The following SLC35F4 variants were observed in gnomAD, a reference collection of about 807,000 sequenced individuals.
SLC35F4 encodes solute carrier family 35 member F4, also known as chromosome 14 open reading frame 36.
SLC35F4 carries 24 observed loss-of-function variants against 44.2 expected under a neutral mutation model. That is an observed-to-expected ratio of 0.54 (90% CI 0.39 to 0.76). SLC35F4 has a LOEUF of 0.76. Ranked by LOEUF, SLC35F4 falls within the 30% of genes least tolerant of loss-of-function variation. The probability of loss-of-function intolerance (pLI) is 0.00; values close to 1 mark genes in which losing one functional copy is unlikely to be tolerated. For missense variants in SLC35F4, 562 were observed against 586.1 expected, an observed-to-expected ratio of 0.96 and a Z score of 0.42; for synonymous variants, 238 against 223.6, an observed-to-expected ratio of 1.06 and a Z score of -0.57.
intron 3 of SLC35F4, among the ~76,000 whole-genome samples, chr14:57,587,602 C>A (rs2069846018): frequency 6.6e-6 from 1 of 152,014 alleles, no homozygotes; most frequent in African/African-American, 2.4e-5. Context: ...GGGGAACATC[C>A]CACACCAAGG....
intron 1 of SLC35F4, among the ~76,000 whole-genome samples, chr14:57,941,814 A>C (rs35777068): frequency 0.11 from 16,443 of 152,228 alleles, 1,140 homozygotes; most frequent in Non-Finnish European, 0.15. Context: ...TTTATTCCCT[A>C]TAGAGACTAG....
intron 1 of SLC35F4, among the ~76,000 whole-genome samples, chr14:57,721,140 G>A (rs748370165): frequency 2.6e-5 from 4 of 151,260 alleles, no homozygotes; most frequent in Non-Finnish European, 5.9e-5. Context: ...TAAGGATGGA[G>A]TTCTTTCACT....
rs144310118 is a variant in SLC35F4 at position 57,611,386 on chromosome 14, A to G, written c.104-17262T>C. 2.0e-5 allele frequency among the ~76,000 whole-genome samples: 3 copies of G among 152,264 alleles called. No individual in the cohort carries two copies. The East Asian group carries it at 5.8e-4, about 29-fold the overall frequency. On this transcript the variant is annotated intron_variant, in intron 1 of 7. Transcript: ENST00000556826. ...TGTATTCCCATGTAAGAGACAATGGAAGGCAGGGTAAGAAATAAACTCTCT... is the reference window on the plus strand; with the variant it reads ...TGTATTCCCATGTAAGAGACAATGGGAGGCAGGGTAAGAAATAAACTCTCT...
intron 1 of SLC35F4, among the ~76,000 whole-genome samples, chr14:57,964,990 AAATAT>A (rs1460932420): frequency 8.4e-5 from 10 of 119,734 alleles, no homozygotes; most frequent in Non-Finnish European, 1.8e-4. Flanking sequence ...AAAAAAAAAA[AAATAT>A]ATATATATAT....
chr14:57,891,832 T>C (rs1888774626), intron 1 of SLC35F4, among the ~76,000 whole-genome samples: 1 of 152,140 alleles, frequency 6.6e-6, no homozygotes, highest in Non-Finnish European at 1.5e-5. Flanking sequence ...GCCAAGATCA[T>C]GCCACTGCAC....
At chr14:57,918,790 G>T (rs1442887132) in intron 1 of SLC35F4, among the ~76,000 whole-genome samples, 2 of 152,154 alleles carry the variant, frequency 1.3e-5, no homozygotes, top group Admixed American at 1.3e-4. Flanking sequence ...CAGGATTGGG[G>T]TCCAGCCTAT....
chr14:57,672,502 A>G (rs78217532), intron 1 of SLC35F4, among the ~76,000 whole-genome samples: 1 of 152,030 alleles, frequency 6.6e-6, no homozygotes, highest in Non-Finnish European at 1.5e-5. Flanking sequence ...ACTTTTTCCT[A>G]CTAAGCCCAC....
intron 1 of SLC35F4, among the ~76,000 whole-genome samples, chr14:57,897,641 C>A (rs187732823): frequency 5.3e-4 from 80 of 152,062 alleles, no homozygotes; most frequent in Admixed American, 1.4e-3. Flanking sequence ...CACACTTAGT[C>A]CACGAAAGAG....
chr14:57,639,885 A>T (rs1223724505), intron 1 of SLC35F4, among the ~76,000 whole-genome samples: 4 of 152,068 alleles, frequency 2.6e-5, no homozygotes, highest in Admixed American at 2.6e-4. Flanking sequence ...CAGGATAACC[A>T]TAAGAAACTC....
intron 1 of SLC35F4, among the ~76,000 whole-genome samples, chr14:57,690,810 C>T (rs1210129169): frequency 6.6e-6 from 1 of 151,910 alleles, no homozygotes; most frequent in African/African-American, 2.4e-5. Context: ...GGTTCATGCT[C>T]CTGTGAGATT....
rs138388497 is a variant in SLC35F4 at position 57,605,845 on chromosome 14, C to T, written c.104-11721G>A. 1.7e-3 allele frequency among the ~76,000 whole-genome samples: 263 copies of T among 152,176 alleles called. 2 individuals are homozygous for T. Among genetic ancestry groups the T allele is most frequent in the Middle Eastern group, 6.8e-3 (2 of 292 alleles). On this transcript the variant is annotated intron_variant, in intron 1 of 7. Coordinates refer to ENST00000556826, the MANE Select transcript of SLC35F4 (RefSeq NM_001306087.2). ...TACAACTGAAAACCATTATCCTAAG[C>T]GAACTAATGCAGAAACCAAAAACCA...
downstream of SLC35F4, among the ~76,000 whole-genome samples, chr14:57,973,737 GA>G (rs760720536): frequency 3.3e-5 from 5 of 152,130 alleles, no homozygotes; most frequent in African/African-American, 4.8e-5. Flanking sequence ...ATGGCTGCAA[GA>G]AAAGAAGTAT....
chr14:57,868,803 G>A (rs1219207343), upstream of SLC35F4, among the ~76,000 whole-genome samples: 4 of 152,118 alleles, frequency 2.6e-5, no homozygotes, highest in Non-Finnish European at 4.4e-5. Flanking sequence ...ATGTTTGCAT[G>A]TTTAGTCTAC....
chr14:57,615,883 C>G (rs986788471), intron 1 of SLC35F4, among the ~76,000 whole-genome samples: 1 of 152,130 alleles, frequency 6.6e-6, no homozygotes, highest in African/African-American at 2.4e-5. Context: ...AACCTTATAC[C>G]AAATATTAGG....
intron 1 of SLC35F4, among the ~76,000 whole-genome samples, chr14:57,736,723 T>C (rs1034145070): frequency 1.3e-5 from 2 of 152,214 alleles, no homozygotes; most frequent in African/African-American, 2.4e-5. Context: ...TATGGCAATA[T>C]TGCAATTGCT....
intron 1 of SLC35F4, among the ~76,000 whole-genome samples, chr14:57,838,170 G>A (rs140735183): frequency 2.4e-4 from 36 of 152,270 alleles, no homozygotes; most frequent in African/African-American, 8.2e-4. Context: ...TCATAATAAA[G>A]GTTCTATGAG....
At chr14:57,876,515 A>G (rs1888403460) in intron 1 of SLC35F4, among the ~76,000 whole-genome samples, 3 of 152,184 alleles carry the variant, frequency 2.0e-5, no homozygotes, top group African/African-American at 4.8e-5. Context: ...TAGAATGTCT[A>G]TTTGCAACCA....
intron 1 of SLC35F4, among the ~76,000 whole-genome samples, chr14:57,619,642 G>C (rs906464913): frequency 6.6e-6 from 1 of 152,064 alleles, no homozygotes; most frequent in African/African-American, 2.4e-5. Context: ...TTCTCCAAAG[G>C]ATCACAACTC....
intron 1 of SLC35F4, among the ~76,000 whole-genome samples, chr14:57,726,611 T>C (rs2076210301): frequency 6.6e-6 from 1 of 152,214 alleles, no homozygotes; most frequent in South Asian, 2.1e-4. Flanking sequence ...GTGTTCATGG[T>C]TGTACAAAGG....
Sources: allele counts gnomAD v4.1 joint callset (sites outside exome capture counted in the v4.1 genomes callset), GRCh38; gene constraint gnomAD v4.1.1; transcripts MANE v1.5; gene names NCBI Gene and HGNC (gene_info 2026-07-23, HGNC 2026-07-21).